The following CSMD1 variants were observed in gnomAD, a reference collection of about 807,000 sequenced individuals.
CSMD1 encodes CUB and sushi domain-containing protein 1.
In CSMD1, 213 loss-of-function variants were observed where a neutral mutation model predicts 417.5. That is an observed-to-expected ratio of 0.51 (90% CI 0.46 to 0.57). The LOEUF (loss-of-function observed/expected upper bound fraction) is 0.57, where lower values mean the gene tolerates loss of function less well. Among genes scored for constraint, CSMD1 ranks in the 20% least tolerant of loss-of-function variants. The pLI is 0.00. For synonymous variants in CSMD1, 2,862 were observed against 1,736.8 expected (o/e 1.65, Z -16.11); for missense variants, 6,923 against 4,529.7 (o/e 1.53, Z -15.17).
chr8:4,754,430 GTAAC>G (rs1421143834), intron 1 of CSMD1, among the ~76,000 whole-genome samples: 1 of 152,076 alleles, frequency 6.6e-6, no homozygotes, highest in Non-Finnish European at 1.5e-5. Context: ...CAAATAAGTA[GTAAC>G]TAACTTGTAT....
intron 3 of CSMD1, among the ~76,000 whole-genome samples, chr8:4,327,746 A>C (rs191694423): frequency 6.6e-6 from 1 of 152,254 alleles, no homozygotes; most frequent in African/African-American, 2.4e-5. Context: ...GTCCGAAAAC[A>C]TTGTTACATA....
At chr8:4,079,078 T>C (rs963541871) in intron 3 of CSMD1, among the ~76,000 whole-genome samples, 1 of 151,764 alleles carries the variant, frequency 6.6e-6, no homozygotes, top group Non-Finnish European at 1.5e-5. Flanking sequence ...CTTATACAGC[T>C]CATTACCAGG....
At chr8:3,211,384 A>T (rs1397113542) in intron 30 of CSMD1, among the ~76,000 whole-genome samples, 1 of 152,082 alleles carries the variant, frequency 6.6e-6, no homozygotes, top group Non-Finnish European at 1.5e-5. Context: ...TCATGTAGTA[A>T]TTGTGTGGTC....
intron 3 of CSMD1, among the ~76,000 whole-genome samples, chr8:4,389,764 C>T (rs915343459): frequency 6.6e-6 from 1 of 151,998 alleles, no homozygotes; most frequent in Non-Finnish European, 1.5e-5. Flanking sequence ...TTGTTTGCTT[C>T]TTTATTTTTG....
At chr8:4,291,090 T>A (rs1169050460) in intron 3 of CSMD1, among the ~76,000 whole-genome samples, 1 of 152,182 alleles carries the variant, frequency 6.6e-6, no homozygotes, top group Non-Finnish European at 1.5e-5. Flanking sequence ...TTATTTTGTG[T>A]AATACAAACA....
At chr8:3,744,541 T>A (rs1796974043) in intron 6 of CSMD1, among the ~76,000 whole-genome samples, 1 of 152,256 alleles carries the variant, frequency 6.6e-6, no homozygotes, top group African/African-American at 2.4e-5. Context: ...TTCGTTTCTT[T>A]ATTTTCATGT....
At chr8:4,168,134 T>TAA (rs199676284) in intron 3 of CSMD1, among the ~76,000 whole-genome samples, 14 of 109,910 alleles carry the variant, frequency 1.3e-4, no homozygotes, top group South Asian at 3.2e-4. Flanking sequence ...GTCTCAAAAA[T>TAA]AAAAAAAAAT....
chr8:4,084,561 A>T (rs376647690), intron 3 of CSMD1, among the ~76,000 whole-genome samples: 6 of 152,136 alleles, frequency 3.9e-5, no homozygotes, highest in East Asian at 3.9e-4. Context: ...GTAGGATGTT[A>T]GGAACTCGAT....
chr8:3,433,237 T>A (rs1814334272), intron 12 of CSMD1, among the ~76,000 whole-genome samples: 1 of 152,202 alleles, frequency 6.6e-6, no homozygotes, highest in African/African-American at 2.4e-5. Context: ...GAGATGTAGT[T>A]ACTTTTCTGT....
intron 5 of CSMD1, among the ~76,000 whole-genome samples, chr8:3,959,407 G>C (rs566293986): frequency 6.6e-6 from 1 of 152,188 alleles, no homozygotes; most frequent in Non-Finnish European, 1.5e-5. Context: ...GCTGAAGTGG[G>C]AAGATCACTT....
At chr8:3,921,911 C>T (rs1211047276) in intron 5 of CSMD1, among the ~76,000 whole-genome samples, 3 of 152,096 alleles carry the variant, frequency 2.0e-5, no homozygotes, top group Non-Finnish European at 2.9e-5. Flanking sequence ...CTGGTCCATA[C>T]TGTTGGCCAA....
Position 4,970,588 on chromosome 8 carries a change from T to C in CSMD1, c.85+23744A>G, listed in dbSNP as rs117359376. Among the ~76,000 whole-genome samples, 51 of 152,144 alleles carry C rather than the reference T, an allele frequency of 3.4e-4. No homozygotes were observed. In the East Asian group the frequency reaches 9.8e-3, roughly 29 times the overall value. ...ACAATACTAATGATCTTGATTTTTT[T>C]TTACCAGAAATATCTCTACTCTTTA... On this transcript the variant is annotated intron_variant, in intron 1 of 69. Transcript: ENST00000635120.
At chr8:4,041,856 C>T (rs1282617736) in intron 3 of CSMD1, among the ~76,000 whole-genome samples, 1 of 151,860 alleles carries the variant, frequency 6.6e-6, no homozygotes, top group Admixed American at 6.6e-5. Context: ...GAGTTAAAAC[C>T]ATCTGAGATT....
intron 26 of CSMD1, among the ~76,000 whole-genome samples, chr8:3,262,802 T>C (rs867027226): frequency 2.0e-5 from 3 of 152,192 alleles, no homozygotes; most frequent in Non-Finnish European, 4.4e-5. Context: ...CCATAATGTA[T>C]ACCTATTAAA....
At chr8:3,579,841 C>T (rs1284787210) in intron 9 of CSMD1, among the ~76,000 whole-genome samples, 5 of 152,196 alleles carry the variant, frequency 3.3e-5, no homozygotes, top group Non-Finnish European at 7.3e-5. Flanking sequence ...TGGTGGCTCA[C>T]GCCTTTAATT....
rs79226714 is a variant in CSMD1 at position 4,048,726 on chromosome 8, C to G, written c.416-16627G>C. Among the ~76,000 whole-genome samples, 34 of 152,274 alleles carry G rather than the reference C, an allele frequency of 2.2e-4. No homozygotes were observed. In the East Asian group the frequency reaches 6.0e-3, roughly 27 times the overall value. On this transcript the variant is annotated intron_variant, in intron 3 of 69. Transcript: ENST00000635120. Reference sequence around the variant, plus strand: ...ATTTGGGTGCATTTATTAATACATACATGTATATCTATAGAACTATATAAA... The same window carrying G: ...ATTTGGGTGCATTTATTAATACATAGATGTATATCTATAGAACTATATAAA...
intron 3 of CSMD1, among the ~76,000 whole-genome samples, chr8:4,334,918 A>AC (rs748574392): frequency 2.6e-5 from 4 of 151,864 alleles, no homozygotes; most frequent in Non-Finnish European, 5.9e-5. Context: ...CCCACTTTCT[A>AC]CCCCCACAGA....
intron 26 of CSMD1, among the ~76,000 whole-genome samples, chr8:3,236,170 G>A (rs1365229978): frequency 2.0e-5 from 3 of 151,882 alleles, no homozygotes; most frequent in South Asian, 2.1e-4. Flanking sequence ...TGCCTGCCTC[G>A]GACTCCGAAA....
chr8:3,789,784 G>A (rs1317951785), intron 5 of CSMD1, among the ~76,000 whole-genome samples: 1 of 140,994 alleles, frequency 7.1e-6, no homozygotes, highest in Non-Finnish European at 1.5e-5. Flanking sequence ...AGGCTGGAGT[G>A]CAGCGGTGCT....
Sources: allele counts gnomAD v4.1 joint callset (sites outside exome capture counted in the v4.1 genomes callset), GRCh38; gene constraint gnomAD v4.1.1; transcripts MANE v1.5; gene names NCBI Gene and HGNC (gene_info 2026-07-23, HGNC 2026-07-21).